The following FHIT variants were observed in gnomAD, a reference collection of about 807,000 sequenced individuals.
The protein encoded by FHIT is fragile histidine triad diadenosine triphosphatase, also known as bis(5'-adenosyl)-triphosphatase.
A neutral mutation model predicts 17.9 loss-of-function variants in FHIT; 19 were observed. The ratio of observed to expected loss-of-function variants is 1.06; its 90% CI spans 0.74 to 1.56. The LOEUF (loss-of-function observed/expected upper bound fraction) is 1.56. FHIT is among the 40% of genes most tolerant of loss of function. FHIT has a pLI of 0.00. For missense variants in FHIT, 248 were observed against 189.2 expected, an observed-to-expected ratio of 1.31 and a Z score of -1.82; for synonymous variants, 81 against 69.7, an observed-to-expected ratio of 1.16 and a Z score of -0.81.
chr3:61,247,575 C>T (rs1470649335), intron 1 of FHIT, among the ~76,000 whole-genome samples: 1 of 152,174 alleles, frequency 6.6e-6, no homozygotes, highest in Non-Finnish European at 1.5e-5. Context: ...TGTCTCTCTG[C>T]CCACACAAGA....
At chr3:60,498,758 C>G (rs17063329) in intron 5 of FHIT, among the ~76,000 whole-genome samples, 9,655 of 152,086 alleles carry the variant, frequency 0.063, 617 homozygotes, top group East Asian at 0.29. Context: ...TTACCTGATT[C>G]TAGGACCTGT....
intron 5 of FHIT, among the ~76,000 whole-genome samples, chr3:60,407,696 T>A (rs1314417390): frequency 6.6e-6 from 1 of 152,080 alleles, no homozygotes; most frequent in Non-Finnish European, 1.5e-5. Flanking sequence ...TTTGTATTTT[T>A]AGTCGAGACA....
rs1014292778 is a variant in FHIT, at chr3:60,420,042, G to A, written c.103+116818C>T. Among the ~76,000 whole-genome samples the A allele has an allele frequency of 3.3e-5, 5 of 152,248 alleles. No individual in the cohort carries two copies. The South Asian group carries it at 1.0e-3, about 32-fold the overall frequency. On this transcript the variant is annotated intron_variant, in intron 5 of 9. Coordinates refer to ENST00000492590, the MANE Select transcript of FHIT (RefSeq NM_002012.4). ...ATAACTAAAGGTTCTGGGTCAAGGGGTCTAGACAATTCTGAATCTTGCTTT... is the reference window on the plus strand; with the variant it reads ...ATAACTAAAGGTTCTGGGTCAAGGGATCTAGACAATTCTGAATCTTGCTTT...
chr3:60,817,704 A>G (rs782811480), intron 4 of FHIT, among the ~76,000 whole-genome samples: 7 of 152,092 alleles, frequency 4.6e-5, no homozygotes, highest in Non-Finnish European at 8.8e-5. Flanking sequence ...TTGGAATATG[A>G]TGTACCTATG....
intron 4 of FHIT, among the ~76,000 whole-genome samples, chr3:60,788,111 T>G: frequency 6.6e-6 from 1 of 152,188 alleles, no homozygotes; most frequent in African/African-American, 2.4e-5. Context: ...ATTTAAAAAG[T>G]TTACATATTA....
chr3:60,219,900 G>C (rs1703881995), intron 5 of FHIT, among the ~76,000 whole-genome samples: 2 of 152,130 alleles, frequency 1.3e-5, no homozygotes, highest in African/African-American at 4.8e-5. Flanking sequence ...ACCTGGATCT[G>C]CCTTACGTGA....
intron 8 of FHIT, among the ~76,000 whole-genome samples, chr3:59,784,478 T>C (rs975693058): frequency 6.6e-6 from 1 of 152,224 alleles, no homozygotes; most frequent in Admixed American, 6.5e-5. Flanking sequence ...ACATTGCCTT[T>C]GTTATTTCAT....
rs542528272 is a variant in FHIT at position 60,182,188 on chromosome 3, C to A, written c.104-168036G>T. Among the ~76,000 whole-genome samples the A allele has an allele frequency of 2.0e-5, 3 of 152,254 alleles. No homozygotes were observed. The East Asian group carries it at 5.8e-4, about 29-fold the overall frequency. ...GGCAACTAGAGGTTGCTTTCCTCCC[C>A]ACCTGGTAGTTTTGGCTGGCTTCTT... On this transcript the variant is annotated intron_variant, in intron 5 of 9. Coordinates refer to ENST00000492590, the MANE Select transcript of FHIT (RefSeq NM_002012.4).
chr3:61,014,807 A>AAAAAAAAAATATAT (rs1553798839), intron 3 of FHIT, among the ~76,000 whole-genome samples: 5 of 49,114 alleles, frequency 1.0e-4, no homozygotes, highest in African/African-American at 2.2e-4. Flanking sequence ...AAAAAAAAAA[A>AAAAAAAAAATATAT]ATATATATAT....
intron 4 of FHIT, among the ~76,000 whole-genome samples, chr3:60,642,395 T>A (rs2039748148): frequency 1.3e-5 from 2 of 152,142 alleles, no homozygotes; most frequent in Non-Finnish European, 2.9e-5. Flanking sequence ...GGGTTGCAGA[T>A]CCTTAATTTA....
chr3:60,831,415 C>T (rs1282530644), intron 3 of FHIT, among the ~76,000 whole-genome samples: 4 of 151,972 alleles, frequency 2.6e-5, no homozygotes, highest in Non-Finnish European at 5.9e-5. Flanking sequence ...CTTGGCAGTT[C>T]AAAAAAACTC....
chr3:60,203,797 A>T (rs533361704), intron 5 of FHIT, among the ~76,000 whole-genome samples: 67 of 152,316 alleles, frequency 4.4e-4, no homozygotes, highest in Non-Finnish European at 8.5e-4. Flanking sequence ...CAAGAAGGGG[A>T]CAAAGAAAAA....
At chr3:60,044,105 C>A (rs1489470620) in intron 5 of FHIT, among the ~76,000 whole-genome samples, 1 of 152,184 alleles carries the variant, frequency 6.6e-6, no homozygotes, top group Middle Eastern at 3.2e-3. Flanking sequence ...CTGAAAAGTT[C>A]ATTCCTAAGC....
chr3:60,919,707 T>A (rs1403035866), intron 3 of FHIT, among the ~76,000 whole-genome samples: 1 of 152,194 alleles, frequency 6.6e-6, no homozygotes, highest in East Asian at 1.9e-4. Flanking sequence ...ATACTTTACC[T>A]GTCTAATCAC....
intron 2 of FHIT, among the ~76,000 whole-genome samples, chr3:61,131,871 CTG>C (rs2036775071): frequency 6.6e-6 from 1 of 152,194 alleles, no homozygotes; most frequent in African/African-American, 2.4e-5. Context: ...AACAGGAAGA[CTG>C]GCCAACAGAT....
intron 8 of FHIT, among the ~76,000 whole-genome samples, chr3:59,808,315 C>CA (rs1401988929): frequency 6.6e-6 from 1 of 152,146 alleles, no homozygotes; most frequent in African/African-American, 2.4e-5. Context: ...TAGAAGTCCA[C>CA]ATGGTAGGGA....
At chr3:60,358,525 T>C (rs1045305272) in intron 5 of FHIT, among the ~76,000 whole-genome samples, 7 of 152,236 alleles carry the variant, frequency 4.6e-5, no homozygotes, top group East Asian at 1.9e-4. Flanking sequence ...ATTATGATCA[T>C]TGAGCAAATA....
At chr3:60,948,617 A>G (rs1708738820) in intron 3 of FHIT, among the ~76,000 whole-genome samples, 1 of 152,202 alleles carries the variant, frequency 6.6e-6, no homozygotes, top group African/African-American at 2.4e-5. Flanking sequence ...CTTAAAGTCC[A>G]TCTCAGCTAC....
At chr3:61,218,699 G>A (rs2039753152) in intron 1 of FHIT, among the ~76,000 whole-genome samples, 1 of 152,184 alleles carries the variant, frequency 6.6e-6, no homozygotes, top group African/African-American at 2.4e-5. Context: ...GTTTTAAACT[G>A]AGCTTTGGCC....
Sources: allele counts gnomAD v4.1 joint callset (sites outside exome capture counted in the v4.1 genomes callset), GRCh38; gene constraint gnomAD v4.1.1; transcripts MANE v1.5; gene names NCBI Gene and HGNC (gene_info 2026-07-23, HGNC 2026-07-21).